Variants in PCDHGB3 observed in about 807,000 individuals in gnomAD.
PCDHGB3 encodes protocadherin gamma-B3.
PCDHGB3 carries 40 observed loss-of-function variants against 59.2 expected under a neutral mutation model. The observed-to-expected ratio is 0.68, with a 90% confidence interval of 0.52 to 0.88. PCDHGB3 has a LOEUF of 0.88. Among genes scored for constraint, PCDHGB3 ranks in the 40% least tolerant of loss-of-function variants. The probability of loss-of-function intolerance (pLI) is 0.00; values close to 1 mark genes in which losing one functional copy is unlikely to be tolerated. For synonymous variants in PCDHGB3, 581 were observed against 503.6 expected (o/e 1.15, Z -2.06); for missense variants, 1,309 against 1,187.9 (o/e 1.10, Z -1.50).
rs775290219 is a variant in PCDHGB3 at position 141,423,576 on chromosome 5, G to A, written c.2415+50767G>A. On this transcript the variant is annotated intron_variant, in intron 1 of 3. Transcript: ENST00000576222. ...ACTATGGGGACACGCTCATCAGCCAGGAGAGCTGTGAGAAAAGCGAGCCAC... is the reference window on the plus strand; with the variant it reads ...ACTATGGGGACACGCTCATCAGCCAAGAGAGCTGTGAGAAAAGCGAGCCAC... The A allele has an allele frequency of 1.9e-6, 3 of 1,613,588 alleles. No homozygotes were observed. In the Admixed American group the frequency reaches 5.0e-5, roughly 27 times the overall value.
intron 1 of PCDHGB3, 48 bp from the exon 2 acceptor site, chr5:141,494,759 C>CT: frequency 6.2e-7 from 1 of 1,613,886 alleles, no homozygotes; most frequent in Non-Finnish European, 8.5e-7. Flanking sequence ...GGGTGACATT[C>CT]TAACTTCTCA....
In PCDHGB3 at chr5:141,494,634, T is replaced by C. The variant is rs917243803; in HGVS notation, c.2416-173T>C. The C allele has an allele frequency of 1.1e-5, 10 of 889,216 alleles. No individual in the cohort carries two copies. In the African/African-American group the frequency reaches 1.8e-4, roughly 16 times the overall value. 55.1% of individuals were successfully genotyped at this position (889,216 alleles called of 1,614,324 possible). A position where few individuals can be genotyped will look rare whatever the true frequency, so the allele number is the denominator to read the frequency against. On this transcript the variant is annotated intron_variant, in intron 1 of 3. Coordinates refer to ENST00000576222, the MANE Select transcript of PCDHGB3 (RefSeq NM_018924.5). ...CTTGGTTTCTGGTACCTCAGACCTC[T>C]GAGACCTGAGGTGTATTTTGTCTTT...
chr5:141,393,634 A>G (rs1589198700), intron 1 of PCDHGB3: 3 of 1,613,848 alleles, frequency 1.9e-6, no homozygotes, highest in African/African-American at 2.7e-5. Flanking sequence ...GAGGGAATCA[A>G]CGGAAAAGTG....
intron 1 of PCDHGB3, chr5:141,484,949 A>G: frequency 1.8e-6 from 1 of 557,402 alleles, no homozygotes; most frequent in East Asian, 3.1e-5. Flanking sequence ...TGCTCAGCCT[A>G]TTGGCTGAGC....
At chr5:141,496,021 G>T (rs1011612662) in intron 2 of PCDHGB3, among the ~76,000 whole-genome samples, 2 of 151,336 alleles carry the variant, frequency 1.3e-5, no homozygotes, top group African/African-American at 4.9e-5. Flanking sequence ...TTTTCTCTGA[G>T]CCTCTGTCTC....
intron 1 of PCDHGB3, among the ~76,000 whole-genome samples, chr5:141,401,282 C>T (rs963741934): frequency 2.6e-5 from 4 of 151,884 alleles, no homozygotes; most frequent in Non-Finnish European, 4.4e-5. Flanking sequence ...GTGGAGGTTG[C>T]GGTGAGCCGA....
chr5:141,421,736 G>A lies in PCDHGB3; in HGVS notation c.2415+48927G>A, dbSNP rs767237323. 5.3e-5 allele frequency: 86 copies of A among 1,613,810 alleles called. No individual in the cohort carries two copies. The highest frequency in any genetic ancestry group is 6.9e-5 in the Non-Finnish European group (82 of 1,179,858). Reference sequence around the variant, plus strand: ...GATGTGGGCGTGAACTCCCTCCAGAGCTACCAGCTCAGCCCTAATAATTAC... The same window carrying A: ...GATGTGGGCGTGAACTCCCTCCAGAACTACCAGCTCAGCCCTAATAATTAC... On this transcript the variant is annotated intron_variant, in intron 1 of 3. Transcript: ENST00000576222.
Position 141,374,705 on chromosome 5 carries a change from T to A in PCDHGB3, c.2415+1896T>A, listed in dbSNP as rs188037010. On this transcript the variant is annotated intron_variant, in intron 1 of 3. Coordinates refer to ENST00000576222, the MANE Select transcript of PCDHGB3 (RefSeq NM_018924.5). ...ACTGGACCGGGAAGGAGAAGCCGTTTACCGCCTGGTCCTTACTGCCATGGA... is the reference window on the plus strand; with the variant it reads ...ACTGGACCGGGAAGGAGAAGCCGTTAACCGCCTGGTCCTTACTGCCATGGA... 8 of 1,609,374 alleles carry A rather than the reference T, an allele frequency of 5.0e-6. No homozygotes were observed. In the African/African-American group the frequency reaches 8.0e-5, roughly 16 times the overall value.
Position 141,432,492 on chromosome 5 carries a change from C to G in PCDHGB3, c.2415+59683C>G. The G allele has an allele frequency of 6.2e-7, 1 of 1,614,168 alleles. No individual in the cohort carries two copies. The highest frequency in any genetic ancestry group is 8.5e-7 in the Non-Finnish European group (1 of 1,180,040). On this transcript the variant is annotated intron_variant, in intron 1 of 3. Transcript: ENST00000576222. This position sits in a 1 kb window ranked among gnomAD's most constrained non-coding sequence, Gnocchi z 6.0. Reference sequence around the variant, plus strand: ...GACGGTTCCACTGGCGTGGAGCTGGCTCCCCGCTCCGCAGAGCCCGGCTAC... The same window carrying G: ...GACGGTTCCACTGGCGTGGAGCTGGGTCCCCGCTCCGCAGAGCCCGGCTAC...
chr5:141,428,201 CT>C (rs1332694675), intron 1 of PCDHGB3: 1 of 1,349,696 alleles, frequency 7.4e-7, no homozygotes, highest in South Asian at 1.2e-5. Context: ...CTCTGCGCCG[CT>C]ACGCTTCACC....
At position 141,375,547 on chromosome 5, in the gene PCDHGB3, C is replaced by T. The variant is rs1261585486; in HGVS notation, c.2415+2738C>T. ...ACGTGGACCAGAACGCCCAAGTCTC[C>T]TACTCACTGGCAGAAGACACCCTCC... is the stretch of plus-strand genomic sequence containing the variant. On this transcript the variant is annotated intron_variant, in intron 1 of 3. Coordinates refer to ENST00000576222, the MANE Select transcript of PCDHGB3 (RefSeq NM_018924.5). 6 of 1,613,922 alleles carry T rather than the reference C, an allele frequency of 3.7e-6. No individual in the cohort carries two copies. In the African/African-American group the frequency reaches 8.0e-5, roughly 22 times the overall value.
At chr5:141,384,030 A>G (rs1246971074) in intron 1 of PCDHGB3, 2 of 1,613,466 alleles carry the variant, frequency 1.2e-6, no homozygotes, top group Non-Finnish European at 1.7e-6. Flanking sequence ...GAGATTCTGG[A>G]AAGAATGGTG....
At chr5:141,451,113 C>T (rs2098707217) in intron 1 of PCDHGB3, among the ~76,000 whole-genome samples, 1 of 152,152 alleles carries the variant, frequency 6.6e-6, no homozygotes. Context: ...CAGGCGTGAG[C>T]CACCACACCC....
At chr5:141,507,557 C>T (rs959957585) in intron 3 of PCDHGB3, among the ~76,000 whole-genome samples, 5 of 152,250 alleles carry the variant, frequency 3.3e-5, no homozygotes, top group Middle Eastern at 3.4e-3. Flanking sequence ...AAGTGGCAGG[C>T]GGCTGGGTCT....
chr5:141,383,097 C>T, intron 1 of PCDHGB3: 1 of 1,613,998 alleles, frequency 6.2e-7, no homozygotes, highest in Non-Finnish European at 8.5e-7. Context: ...GAGTCCGCAT[C>T]ATCTCCAGAG....
intron 1 of PCDHGB3, chr5:141,409,616 G>T: frequency 6.2e-7 from 1 of 1,613,882 alleles, no homozygotes; most frequent in African/African-American, 1.3e-5. Context: ...AGCCTCCATT[G>T]CGCAAGTGAG....
At chr5:141,441,782 G>T in intron 1 of PCDHGB3, 1 of 391,086 alleles carries the variant, frequency 2.6e-6, no homozygotes, top group East Asian at 8.8e-5. Context: ...TGGACGACCT[G>T]AATGACAACG....
intron 1 of PCDHGB3, chr5:141,423,721 T>C (rs2096769391): frequency 8.3e-7 from 1 of 1,208,140 alleles, no homozygotes; most frequent in East Asian, 3.8e-5. Flanking sequence ...TTTAAGGAGA[T>C]GTTTTTTGAG....
Position 141,423,964 on chromosome 5 carries a change from A to G in PCDHGB3, c.2415+51155A>G, listed in dbSNP as rs569611136. On this transcript the variant is annotated intron_variant, in intron 1 of 3. Coordinates refer to ENST00000576222, the MANE Select transcript of PCDHGB3 (RefSeq NM_018924.5). ...AGTTGAATTTTAGTATTATTTTTCT[A>G]TTATCAGTGTATGAGGCTCTCAATT... The G allele has an allele frequency of 5.2e-5, 61 of 1,163,648 alleles. 2 individuals carry two copies. In the South Asian group the frequency reaches 1.7e-3, roughly 32 times the overall value. 72.1% of individuals were successfully genotyped at this position (1,163,648 alleles called of 1,614,324 possible).
Sources: gnomAD v4.1 joint callset for allele counts (sites outside exome capture counted in the v4.1 genomes callset) on GRCh38, gnomAD v4.1.1 for gene constraint, Gnocchi (gnomAD v3.1) non-coding constraint, MANE v1.5 for transcripts, NCBI Gene and HGNC (gene_info 2026-07-23, HGNC 2026-07-21) for gene names.